NPAS2: variants seen among roughly 807,000 people sequenced by gnomAD.
NPAS2 encodes neuronal PAS domain protein 2.
In NPAS2, 23 loss-of-function variants were observed where a neutral mutation model predicts 107.5. That is an observed-to-expected ratio of 0.21 (90% CI 0.15 to 0.30). The LOEUF (loss-of-function observed/expected upper bound fraction) is 0.30. Ranked by LOEUF, NPAS2 falls within the 10% of genes least tolerant of loss-of-function variation. The pLI, the probability that NPAS2 is intolerant of heterozygous loss-of-function variation, is 1.00. For synonymous variants in NPAS2, 403 were observed against 417.5 expected (o/e 0.97, Z 0.42); for missense variants, 756 against 1,043.3 (o/e 0.72, Z 3.79).
chr2:100,912,313 C>G (rs17655180), intron 2 of NPAS2, among the ~76,000 whole-genome samples: 28,134 of 151,594 alleles, frequency 0.19, 3,021 homozygotes, highest in Non-Finnish European at 0.24. Context: ...AGTGCTGCAC[C>G]CTTTTCAGTT....
Position 100,981,450 on chromosome 2 carries a change from C to T in NPAS2, c.1483-781C>T, listed in dbSNP as rs1276288076. ...ACAGTGTTTCCTGGAAGCGGAGGAG[C>T]CTGTGTTGAGGGAGACGGGACAGGA... On this transcript the variant is annotated intron_variant, in intron 15 of 20. Coordinates refer to ENST00000335681, the MANE Select transcript of NPAS2 (RefSeq NM_002518.4). Among the ~76,000 whole-genome samples, 3 of 152,266 alleles carry T rather than the reference C, an allele frequency of 2.0e-5. No homozygotes were observed. In the East Asian group the frequency reaches 5.8e-4, roughly 30 times the overall value.
In NPAS2 at chr2:100,996,491, C is replaced by T. The variant is rs1248853333; in HGVS notation, c.*909C>T. The T allele has an allele frequency of 6.6e-6, 1 of 152,642 alleles. No individual in the cohort carries two copies. The highest frequency in any genetic ancestry group is 1.5e-5 in the Non-Finnish European group (1 of 68,054). 9.5% of individuals were successfully genotyped at this position (152,642 alleles called of 1,614,324 possible). ...CCAAGGAGACCCTGCCACATGCTGG[C>T]CCTTTGAGTGAGAATGCTGCATCTT... On this transcript the variant is annotated 3_prime_UTR_variant, in exon 21 of 21. Transcript: ENST00000335681.
chr2:100,833,687 C>G (rs900612606), intron 1 of NPAS2, among the ~76,000 whole-genome samples: 3 of 152,128 alleles, frequency 2.0e-5, no homozygotes, highest in Non-Finnish European at 4.4e-5. Context: ...GGATTTCAGT[C>G]CAAATCAAAT....
chr2:100,958,515 C>T lies in NPAS2; in HGVS notation c.599-5543C>T, dbSNP rs188350180. Among the ~76,000 whole-genome samples the T allele has an allele frequency of 7.9e-4, 121 of 152,274 alleles. 1 individual carries two copies. Among genetic ancestry groups the T allele is most frequent in the East Asian group, 1.9e-4 (1 of 5,182 alleles). ...TCCACCCAGCAAAGAATCAGGCCGT[C>T]CTTCCCCTGCAGGGGTCAGTGCTGC... On this transcript the variant is annotated intron_variant, in intron 7 of 20. Transcript: ENST00000335681.
At chr2:100,885,460 C>T (rs1680643474) in intron 1 of NPAS2, among the ~76,000 whole-genome samples, 1 of 151,960 alleles carries the variant, frequency 6.6e-6, no homozygotes, top group Non-Finnish European at 1.5e-5. Flanking sequence ...TGTATGTGGC[C>T]TTGGAATGAT....
At chr2:100,822,891 G>C (rs1429872551) in intron 1 of NPAS2, 1 of 152,192 alleles carries the variant, frequency 6.6e-6, no homozygotes, top group African/African-American at 2.4e-5. Context: ...ATCATAGCAA[G>C]CATCTAATTG....
intron 1 of NPAS2, among the ~76,000 whole-genome samples, chr2:100,839,280 C>A (rs1558795523): frequency 6.6e-6 from 1 of 152,252 alleles, no homozygotes; most frequent in Admixed American, 6.5e-5. Context: ...AGGTACCTAC[C>A]ACCATACCCA....
chr2:100,918,424 A>G (rs1188609874), intron 2 of NPAS2, among the ~76,000 whole-genome samples: 1 of 152,032 alleles, frequency 6.6e-6, no homozygotes, highest in Non-Finnish European at 1.5e-5. Flanking sequence ...AAAATTAAAA[A>G]CTCACTCTGT....
At chr2:100,838,981 G>A (rs1677232402) in intron 1 of NPAS2, among the ~76,000 whole-genome samples, 1 of 152,050 alleles carries the variant, frequency 6.6e-6, no homozygotes, top group African/African-American at 2.4e-5. Context: ...AAAAGTTATA[G>A]TGAATGTGCC....
chr2:100,961,923 A>G (rs755694125), intron 7 of NPAS2, among the ~76,000 whole-genome samples: 1 of 152,188 alleles, frequency 6.6e-6, no homozygotes, highest in Non-Finnish European at 1.5e-5. Flanking sequence ...AAAGAGTCAG[A>G]ATTTTATTAG....
chr2:100,984,960 C>G (rs907357834), intron 16 of NPAS2: 1 of 152,104 alleles, frequency 6.6e-6, no homozygotes, highest in Admixed American at 6.6e-5. Context: ...AATGGGGCTA[C>G]CTGGACAAGA....
intron 1 of NPAS2, among the ~76,000 whole-genome samples, chr2:100,898,430 G>A (rs1266578347): frequency 2.0e-5 from 3 of 152,118 alleles, no homozygotes; most frequent in African/African-American, 4.8e-5. Flanking sequence ...AATGGCCAAG[G>A]TAAACTTGAA....
intron 1 of NPAS2, among the ~76,000 whole-genome samples, chr2:100,843,956 GA>G (rs1171776410): frequency 6.6e-6 from 1 of 152,156 alleles, no homozygotes; most frequent in African/African-American, 2.4e-5. Context: ...GAAGGAGACA[GA>G]AATGGAAGAT....
At chr2:100,944,906 C>T (rs1365132819) in intron 5 of NPAS2, among the ~76,000 whole-genome samples, 1 of 152,190 alleles carries the variant, frequency 6.6e-6, no homozygotes, top group African/African-American at 2.4e-5. Flanking sequence ...CTCTCTGCCA[C>T]ACCCACCGTC....
At chr2:100,889,038 C>G (rs1262466365) in intron 1 of NPAS2, among the ~76,000 whole-genome samples, 1 of 152,192 alleles carries the variant, frequency 6.6e-6, no homozygotes, top group Non-Finnish European at 1.5e-5. Flanking sequence ...GGAGAGGGAT[C>G]TAAAACATCT....
At chr2:100,853,861 T>C (rs918457260) in intron 1 of NPAS2, among the ~76,000 whole-genome samples, 1 of 151,536 alleles carries the variant, frequency 6.6e-6, no homozygotes, top group Non-Finnish European at 1.5e-5. Flanking sequence ...GAACAAGCGC[T>C]GTGCAGCATT....
chr2:100,970,777 G>T, intron 11 of NPAS2: 2 of 429,534 alleles, frequency 4.7e-6, no homozygotes, highest in Non-Finnish European at 8.2e-6. Context: ...AAAAGATTTT[G>T]AATGTAATAT....
In NPAS2 at chr2:100,900,858, C is replaced by T. The variant is rs187597474; in HGVS notation, c.-22-3875C>T. 2.0e-3 allele frequency among the ~76,000 whole-genome samples: 308 copies of T among 150,270 alleles called. 1 individual carries two copies. The highest frequency in any genetic ancestry group is 3.5e-3 in the Non-Finnish European group (240 of 67,626). ...GGTGATTTTCTTTTCTTTTCTTTTC[C>T]CCTCCCCTCCCCTCCCTTCTCCTCT... On this transcript the variant is annotated intron_variant, in intron 1 of 20. Coordinates refer to ENST00000335681, the MANE Select transcript of NPAS2 (RefSeq NM_002518.4).
chr2:100,982,392 G>T lies in NPAS2; in HGVS notation c.1629+15G>T. On this transcript the variant is annotated intron_variant, in intron 16 of 20. Transcript: ENST00000335681. ...CCAACGTCCAGGTGATCCCCTTCCC[G>T]GGCTGGCCTCTGTCCCTGCTGCTGT... 3.7e-6 allele frequency: 6 copies of T among 1,612,726 alleles called. No homozygotes were observed. The highest frequency in any genetic ancestry group is 5.1e-6 in the Non-Finnish European group (6 of 1,179,780).
Sources: allele counts gnomAD v4.1 joint callset (sites outside exome capture counted in the v4.1 genomes callset), GRCh38; gene constraint gnomAD v4.1.1; transcripts MANE v1.5; gene names NCBI Gene and HGNC (gene_info 2026-07-23, HGNC 2026-07-21).